SLC30A7: variants seen among roughly 807,000 people sequenced by gnomAD.
The protein encoded by SLC30A7 is solute carrier family 30 member 7, also known as zinc transporter 7.
SLC30A7 carries 35 observed loss-of-function variants against 46.0 expected under a neutral mutation model. The ratio of observed to expected loss-of-function variants is 0.76; its 90% CI spans 0.58 to 1.01. The LOEUF (loss-of-function observed/expected upper bound fraction) is 1.01, where lower values mean the gene tolerates loss of function less well. Among genes scored for constraint, SLC30A7 ranks in the 50% least tolerant of loss-of-function variants. SLC30A7 has a pLI of 0.00. For synonymous variants in SLC30A7, 147 were observed against 157.8 expected (o/e 0.93, Z 0.51); for missense variants, 464 against 451.1 (o/e 1.03, Z -0.26).
rs546184886 is a variant in SLC30A7, at chr1:100,923,161, C to T, written c.842+1320C>T. 3.2e-4 allele frequency among the ~76,000 whole-genome samples: 43 copies of T among 136,488 alleles called. 1 individual carries two copies. Among genetic ancestry groups the T allele is most frequent in the African/African-American group, 1.1e-3 (40 of 36,236 alleles). 89.5% of individuals were successfully genotyped at this position (136,488 alleles called of 152,430 possible). On this transcript the variant is annotated intron_variant, in intron 8 of 10. Coordinates refer to ENST00000357650, the MANE Select transcript of SLC30A7 (RefSeq NM_133496.5). ...CCTCCCGAGTAGCTGGGACTACAGG[C>T]GCCCGCCACCTCGCCCGGCTAATTT... is the stretch of plus-strand genomic sequence containing the variant.
intron 8 of SLC30A7, among the ~76,000 whole-genome samples, chr1:100,957,076 T>C (rs974753996): frequency 6.6e-6 from 1 of 152,248 alleles, no homozygotes; most frequent in Non-Finnish European, 1.5e-5. Flanking sequence ...ATATAACAGA[T>C]GTTTGTTGAC....
intron 7 of SLC30A7, among the ~76,000 whole-genome samples, chr1:100,920,317 C>T (rs1346984862): frequency 6.6e-6 from 1 of 151,654 alleles, no homozygotes; most frequent in East Asian, 1.9e-4. Context: ...TATTTTTTTT[C>T]CAGTTGTAGT....
the SLC30A7 span, among the ~76,000 whole-genome samples, chr1:100,987,695 A>G: frequency 6.2e-5 from 9 of 146,308 alleles, no homozygotes; most frequent in Non-Finnish European, 1.3e-4. Flanking sequence ...ACCATAAGCT[A>G]TAAACTGTAT....
At chr1:100,921,882 A>C in intron 8 of SLC30A7, 41 bp downstream of exon 8, 1 of 1,508,906 alleles carries the variant, frequency 6.6e-7, no homozygotes, top group Non-Finnish European at 9.1e-7. Flanking sequence ...AGTGAGACTG[A>C]GAGAGAAATA....
intron 6 of SLC30A7, among the ~76,000 whole-genome samples, chr1:100,914,951 C>A (rs1652382371): frequency 6.6e-6 from 1 of 151,932 alleles, no homozygotes; most frequent in Non-Finnish European, 1.5e-5. Flanking sequence ...AAATTTCTAA[C>A]TACTCTATTG....
At chr1:100,928,620 T>C (rs1471171328) in intron 8 of SLC30A7, among the ~76,000 whole-genome samples, 1 of 152,128 alleles carries the variant, frequency 6.6e-6, no homozygotes, top group East Asian at 1.9e-4. Context: ...TTTCATAATA[T>C]TTTTGTTTGT....
chr1:100,908,326 T>A (rs1282121934), intron 3 of SLC30A7, among the ~76,000 whole-genome samples: 1 of 152,234 alleles, frequency 6.6e-6, no homozygotes. Context: ...ATGAGTCAAA[T>A]ACTTTTCTAG....
intron 6 of SLC30A7, among the ~76,000 whole-genome samples, chr1:100,917,188 A>G (rs61780287): frequency 0.11 from 16,916 of 152,208 alleles, 1,198 homozygotes; most frequent in Non-Finnish European, 0.16. Flanking sequence ...AATAATGTTG[A>G]AAAACTGCAT....
intron 8 of SLC30A7, among the ~76,000 whole-genome samples, chr1:100,960,947 G>GTT (rs11354218): frequency 0.01 from 882 of 86,292 alleles, 16 homozygotes; most frequent in African/African-American, 0.038. Flanking sequence ...TGTTTTGTGT[G>GTT]TTTTTTTTTT....
chr1:100,916,680 A>C (rs1652574184), intron 6 of SLC30A7, among the ~76,000 whole-genome samples: 1 of 151,430 alleles, frequency 6.6e-6, no homozygotes, highest in African/African-American at 2.4e-5. Context: ...TGTGCTATCA[A>C]ATAGTAAATC....
At chr1:100,912,876 TA>T (rs543797990) in intron 5 of SLC30A7, among the ~76,000 whole-genome samples, 301 of 137,642 alleles carry the variant, frequency 2.2e-3, no homozygotes, top group Admixed American at 2.8e-3. Context: ...AGACTCTGTC[TA>T]AAAAAAAAAA....
chr1:100,907,003 T>A (rs1340307881), intron 3 of SLC30A7, 38 bp downstream of exon 3: 1 of 1,310,942 alleles, frequency 7.6e-7, no homozygotes, highest in Non-Finnish European at 1.1e-6. Context: ...TATTGAAGTA[T>A]AAGATATACA....
chr1:100,944,689 T>C (rs1358031338), intron 8 of SLC30A7, among the ~76,000 whole-genome samples: 1 of 132,110 alleles, frequency 7.6e-6, no homozygotes, highest in East Asian at 2.6e-4. Flanking sequence ...GTGCCACAAT[T>C]TCTTAATACA....
At chr1:100,988,638 G>T in the SLC30A7 span, among the ~76,000 whole-genome samples, 5 of 152,010 alleles carry the variant, frequency 3.3e-5, no homozygotes, top group African/African-American at 1.2e-4. Flanking sequence ...TTGAGGTCAG[G>T]AGTTCAAGAC....
intron 2 of SLC30A7, among the ~76,000 whole-genome samples, chr1:100,898,210 A>G (rs1404028450): frequency 6.6e-6 from 1 of 152,140 alleles, no homozygotes; most frequent in Non-Finnish European, 1.5e-5. Context: ...GTGTTTCACT[A>G]TGGCTTTCCA....
chr1:100,964,957 A>G (rs1558007672), intron 9 of SLC30A7, among the ~76,000 whole-genome samples: 1 of 152,252 alleles, frequency 6.6e-6, no homozygotes, highest in Non-Finnish European at 1.5e-5. Context: ...TGGAGTTTAT[A>G]GAAAATAATG....
chr1:100,988,972 C>A, the SLC30A7 span, among the ~76,000 whole-genome samples: 1 of 151,940 alleles, frequency 6.6e-6, no homozygotes, highest in African/African-American at 2.4e-5. Flanking sequence ...AATTGATGAT[C>A]CCAGGGAATA....
At chr1:100,907,726 CCT>C (rs1477920099) in intron 3 of SLC30A7, among the ~76,000 whole-genome samples, 2 of 151,618 alleles carry the variant, frequency 1.3e-5, no homozygotes, top group African/African-American at 2.4e-5. Flanking sequence ...CTTCATTTCC[CCT>C]GTGAGTGCTC....
intron 2 of SLC30A7, among the ~76,000 whole-genome samples, chr1:100,904,024 T>C (rs1023940933): frequency 1.3e-5 from 2 of 152,206 alleles, no homozygotes; most frequent in Non-Finnish European, 1.5e-5. Context: ...GTGACAAGCA[T>C]TGTGGTAAAT....
Sources: gnomAD v4.1 joint callset for allele counts (sites outside exome capture counted in the v4.1 genomes callset) on GRCh38, gnomAD v4.1.1 for gene constraint, MANE v1.5 for transcripts, NCBI Gene and HGNC (gene_info 2026-07-23, HGNC 2026-07-21) for gene names.